PIWIL4: variants seen among roughly 807,000 people sequenced by gnomAD.
The protein encoded by PIWIL4 is piwi-like protein 4.
A neutral mutation model predicts 100.9 loss-of-function variants in PIWIL4; 50 were observed. The observed-to-expected ratio is 0.50, with a 90% CI of 0.39 to 0.63. The LOEUF is 0.63. Among genes scored for constraint, PIWIL4 ranks in the 20% least tolerant of loss-of-function variants. The pLI is 0.00. For synonymous variants in PIWIL4, 342 were observed against 367.5 expected, an observed-to-expected ratio of 0.93 and a Z score of 0.79; for missense variants, 887 against 1,043.3, an observed-to-expected ratio of 0.85 and a Z score of 2.06.
At chr11:94,595,818 G>T (rs7928586) in intron 10 of PIWIL4, among the ~76,000 whole-genome samples, 3,372 of 152,260 alleles carry the variant, frequency 0.022, 106 homozygotes, top group African/African-American at 0.068. Context: ...TACTACAATG[G>T]CCTCAGCAGA....
chr11:94,621,125 G>A lies in PIWIL4; in HGVS notation c.*133G>A. 1.7e-6 allele frequency: 1 copy of A among 598,254 alleles called. No homozygotes were observed. Among genetic ancestry groups the A allele is most frequent in the Non-Finnish European group, 2.9e-6 (1 of 343,776 alleles). The allele number at this position is 598,254 out of a possible 1,614,324, so 37.1% of individuals were successfully genotyped here. The stretch of plus-strand genomic sequence containing the variant: ...TTAGTTTTCATGTCTAGGAAAAAAA[G>A]CAAAACAACTTAATCTGAAACAGTT... On this transcript the variant is annotated 3_prime_UTR_variant, in exon 20 of 20. Transcript: ENST00000299001.
chr11:94,611,648 C>T (rs760878197), intron 15 of PIWIL4, among the ~76,000 whole-genome samples: 11 of 152,144 alleles, frequency 7.2e-5, no homozygotes, highest in Non-Finnish European at 1.5e-4. Flanking sequence ...TTGCCCTCCC[C>T]ATGGTAATGA....
rs112392209 is a variant in PIWIL4 at position 94,583,042 on chromosome 11, A to ATGTGTGTGTGTG, written c.514-405_514-404insGTGTGTGTGTGT. Among the ~76,000 whole-genome samples the ATGTGTGTGTGTG allele has an allele frequency of 1.4e-3, 202 of 140,420 alleles. 1 individual carries two copies. The highest frequency in any genetic ancestry group is 9.2e-3 in the South Asian group (39 of 4,234). 92.1% of individuals were successfully genotyped at this position (140,420 alleles called of 152,430 possible). ...ACTGTTGTGGTGTGTGTATATATAT[A>ATGTGTGTGTGTG]TATGTGTGTGTGTGTGTGTGTGTGT... On this transcript the variant is annotated intron_variant, in intron 4 of 19. Coordinates refer to ENST00000299001, the MANE Select transcript of PIWIL4 (RefSeq NM_152431.3).
At chr11:94,596,728 C>T (rs140431029) in intron 10 of PIWIL4, among the ~76,000 whole-genome samples, 113 of 152,308 alleles carry the variant, frequency 7.4e-4, no homozygotes, top group Non-Finnish European at 1.5e-3. Flanking sequence ...CTATCTGCCA[C>T]CTTTCAGTAG....
At chr11:94,602,574 T>C (rs1169539241) in intron 12 of PIWIL4, among the ~76,000 whole-genome samples, 3 of 152,186 alleles carry the variant, frequency 2.0e-5, no homozygotes, top group Non-Finnish European at 2.9e-5. Context: ...GATAAATAAA[T>C]AGTTTTTCAT....
intron 2 of PIWIL4, among the ~76,000 whole-genome samples, chr11:94,571,798 T>C (rs1948158520): frequency 1.3e-5 from 2 of 152,184 alleles, no homozygotes; most frequent in African/African-American, 4.8e-5. Flanking sequence ...TGGGTATATA[T>C]CCAGTAATGG....
At chr11:94,583,809 G>A (rs913020555) in intron 5 of PIWIL4, among the ~76,000 whole-genome samples, 5 of 152,072 alleles carry the variant, frequency 3.3e-5, no homozygotes, top group Non-Finnish European at 7.4e-5. Context: ...AATAATACGG[G>A]GATTATTGCT....
intron 10 of PIWIL4, 48 bp downstream of exon 10, chr11:94,595,474 T>G (rs1948544495): frequency 1.4e-6 from 2 of 1,398,248 alleles, no homozygotes; most frequent in Middle Eastern, 1.8e-4. Context: ...TTTTTAGTAT[T>G]AGATGGCCTA....
chr11:94,601,411 A>G (rs1948639200), intron 11 of PIWIL4, among the ~76,000 whole-genome samples: 1 of 152,160 alleles, frequency 6.6e-6, no homozygotes, highest in South Asian at 2.1e-4. Flanking sequence ...TGAGATATTT[A>G]GATGCTTAAA....
chr11:94,595,308 G>A lies in PIWIL4; in HGVS notation c.1151-1G>A, dbSNP rs144207854. On this transcript the variant is annotated splice_acceptor_variant, in intron 9 of 19. Transcript: ENST00000299001. LOFTEE classifies it high-confidence loss of function. ...ACTTTGTCTTCATTTGCATTTAATA[G>A]GGCTGACTGACCAGGCAACATCTGA... The A allele has an allele frequency of 6.2e-7, 1 of 1,612,284 alleles. No homozygotes were observed. The highest frequency in any genetic ancestry group is 1.1e-5 in the South Asian group (1 of 90,998).
chr11:94,568,872 C>A, intron 2 of PIWIL4, 64 bp downstream of exon 2: 1 of 1,426,326 alleles, frequency 7.0e-7, no homozygotes, highest in Non-Finnish European at 9.9e-7. Flanking sequence ...AGGAGCCCTG[C>A]CAGGCCTTAC....
intron 19 of PIWIL4, 112 bp from the exon 20 acceptor site, chr11:94,620,764 C>A: frequency 1.4e-6 from 1 of 725,460 alleles, no homozygotes; most frequent in Non-Finnish European, 2.3e-6. Flanking sequence ...TGTTGTTTAC[C>A]CAGAAGCCCA....
chr11:94,574,286 T>A (rs1948205351), intron 2 of PIWIL4, among the ~76,000 whole-genome samples: 1 of 152,202 alleles, frequency 6.6e-6, no homozygotes, highest in Non-Finnish European at 1.5e-5. Context: ...CAATTTCTCT[T>A]CTTTTCTTTG....
intron 4 of PIWIL4, among the ~76,000 whole-genome samples, chr11:94,579,482 T>C (rs1565271256): frequency 2.0e-5 from 3 of 152,226 alleles, no homozygotes; most frequent in African/African-American, 7.2e-5. Context: ...TTTATGCTTC[T>C]ATCCCTTAGA....
chr11:94,596,459 C>A (rs1454030352), intron 10 of PIWIL4, among the ~76,000 whole-genome samples: 2 of 152,002 alleles, frequency 1.3e-5, no homozygotes, highest in Non-Finnish European at 2.9e-5. Context: ...CGCATATAAT[C>A]CTATTTTTTA....
At chr11:94,605,884 T>C (rs1280378991) in intron 13 of PIWIL4, among the ~76,000 whole-genome samples, 1 of 152,216 alleles carries the variant, frequency 6.6e-6, no homozygotes, top group African/African-American at 2.4e-5. Flanking sequence ...TTCTGTGTCT[T>C]TTTCATGTGT....
chr11:94,583,392 T>C (rs777532644), intron 4 of PIWIL4, 56 bp from the exon 5 acceptor site: 69 of 1,585,354 alleles, frequency 4.4e-5, no homozygotes, highest in Admixed American at 2.7e-4. Flanking sequence ...ATAATCTGCA[T>C]TCTGCACACT....
Position 94,567,394 on chromosome 11 carries a change from G to A in PIWIL4, c.-125G>A, listed in dbSNP as rs1470830002. The stretch of plus-strand genomic sequence containing the variant: ...CATTTCCAGCCCCGGCGTTGGTTGT[G>A]GATGCTGGACATCCACCGCCTCCAG... On this transcript the variant is annotated 5_prime_UTR_variant, in exon 1 of 20. Coordinates refer to ENST00000299001, the MANE Select transcript of PIWIL4 (RefSeq NM_152431.3). 17 of 869,982 alleles carry A rather than the reference G, an allele frequency of 2.0e-5. No individual in the cohort carries two copies. The East Asian group carries it at 3.7e-4, about 19-fold the overall frequency. 53.9% of individuals were successfully genotyped at this position (869,982 alleles called of 1,614,324 possible).
chr11:94,620,192 C>T (rs747447384), intron 19 of PIWIL4, 48 bp downstream of exon 19: 21 of 1,514,072 alleles, frequency 1.4e-5, no homozygotes, highest in Non-Finnish European at 1.9e-5. Flanking sequence ...TCAAGAGTCC[C>T]ACCTAGGAAT....
Sources: gnomAD v4.1 joint callset for allele counts (sites outside exome capture counted in the v4.1 genomes callset) on GRCh38, gnomAD v4.1.1 for gene constraint, MANE v1.5 for transcripts, NCBI Gene and HGNC (gene_info 2026-07-23, HGNC 2026-07-21) for gene names.